The following TRIO variants were observed in gnomAD, a reference collection of about 807,000 sequenced individuals.
The protein encoded by TRIO is triple functional domain protein.
Under a neutral mutation model 351.9 loss-of-function variants are expected in TRIO, and 58 were observed. That is an observed-to-expected ratio of 0.16 (90% CI 0.13 to 0.21). The LOEUF is 0.21. Among genes scored for constraint, TRIO ranks in the 10% least tolerant of loss-of-function variants. The probability of loss-of-function intolerance (pLI) is 1.00; values close to 1 mark genes in which losing one functional copy is unlikely to be tolerated. For synonymous variants in TRIO, 1,758 were observed against 1,595.7 expected, an observed-to-expected ratio of 1.10 and a Z score of -2.42; for missense variants, 3,201 against 4,027.8, an observed-to-expected ratio of 0.79 and a Z score of 5.56.
chr5:14,316,577 A>C lies in TRIO; in HGVS notation c.1565A>C (p.Asp522Ala). The change falls in exon 9 of 57, where the codon GAT becomes GCT. Residue 522 changes from aspartate to alanine, a missense_variant. Physicochemically the swap from Asp to Ala is moderately radical, Grantham distance 126. Around this residue, in one of 19 missense-constraint regions of TRIO, gnomAD observed 349 missense variants for 449.3 expected, o/e 0.78. Coordinates refer to ENST00000344204, the MANE Select transcript of TRIO (RefSeq NM_007118.4). ...LQRPLTPGSS[D>A]SLTASANYSK... ...CGGCCCTTGACTCCCGGCAGCTCCG[A>C]TTCCCTGACAGCCTCTGCCAACTAC... The C allele has an allele frequency of 6.2e-7, 1 of 1,614,186 alleles. No individual in the cohort carries two copies.
intron 48 of TRIO, among the ~76,000 whole-genome samples, chr5:14,490,228 G>A (rs927582905): frequency 3.3e-5 from 5 of 152,242 alleles, no homozygotes; most frequent in Admixed American, 6.5e-5. Context: ...GCAGTGAGCC[G>A]AGATCGTGCC....
At chr5:14,500,183 A>T (rs1203044000) in intron 53 of TRIO, among the ~76,000 whole-genome samples, 1 of 152,146 alleles carries the variant, frequency 6.6e-6, no homozygotes, top group Non-Finnish European at 1.5e-5. Flanking sequence ...TCTTATGTGG[A>T]CTATTCCAAG....
At chr5:14,451,065 C>T (rs1752818768) in intron 34 of TRIO, among the ~76,000 whole-genome samples, 1 of 152,206 alleles carries the variant, frequency 6.6e-6, no homozygotes, top group Admixed American at 6.5e-5. Flanking sequence ...TTTAAAAATA[C>T]TTGTATATTC....
In TRIO at chr5:14,358,236, C is replaced by T. The variant is rs1487014323; in HGVS notation, c.2105C>T (p.Ser702Leu). Residue 702 changes from serine to leucine, a missense_variant, in exon 12 of 57, where the codon TCG becomes TTG. Ser to Leu is a moderately radical substitution (Grantham distance 145). This residue lies in a region of TRIO where 363 missense variants were observed against 553.5 expected (regional missense o/e 0.66). Transcript: ENST00000344204. ...CTGCTGGACGACGTGTATGCCGAGTCGGTGGAGGCCGTGCAGGACCTCATC... is the reference window on the plus strand; with the variant it reads ...CTGCTGGACGACGTGTATGCCGAGTTGGTGGAGGCCGTGCAGGACCTCATC... Reference protein sequence around the residue: ...KELLDDVYAESVEAVQDLIKR... With the variant: ...KELLDDVYAELVEAVQDLIKR... 4.3e-6 allele frequency: 7 copies of T among 1,613,996 alleles called. No homozygotes were observed. Among genetic ancestry groups the T allele is most frequent in the Non-Finnish European group, 5.1e-6 (6 of 1,179,994 alleles).
In TRIO at chr5:14,492,723, G is replaced by T; in HGVS notation, c.7789G>T (p.Asp2597Tyr). The T allele has an allele frequency of 1.2e-6, 2 of 1,614,160 alleles. No individual in the cohort carries two copies. The highest frequency in any genetic ancestry group is 1.3e-5 in the African/African-American group (1 of 75,052). ...NMFLVFRAAT[D>Y]QCPAAEGWIP... ...GTTTCTGGTGTTCCGAGCCGCCACTGACCAGTGCCCCGCAGCTGAGGGCTG... is the reference window on the plus strand; with the variant it reads ...GTTTCTGGTGTTCCGAGCCGCCACTTACCAGTGCCCCGCAGCTGAGGGCTG... The change falls in exon 49 of 57, where the codon GAC becomes TAC. Residue 2597 changes from aspartate (D) to tyrosine (Y), a missense_variant. Coordinates refer to ENST00000344204, the MANE Select transcript of TRIO (RefSeq NM_007118.4).
chr5:14,240,835 C>T (rs1236658373), intron 1 of TRIO, among the ~76,000 whole-genome samples: 1 of 152,134 alleles, frequency 6.6e-6, no homozygotes, highest in Non-Finnish European at 1.5e-5. Flanking sequence ...TGGGTGTTCC[C>T]CCCCACCCCT....
chr5:14,348,171 C>G (rs1742609216), intron 11 of TRIO, among the ~76,000 whole-genome samples: 1 of 152,126 alleles, frequency 6.6e-6, no homozygotes, highest in African/African-American at 2.4e-5. Context: ...AATATCACAT[C>G]AATTTAATGT....
At chr5:14,438,777 G>T (rs1012724138) in intron 34 of TRIO, among the ~76,000 whole-genome samples, 4 of 152,200 alleles carry the variant, frequency 2.6e-5, no homozygotes, top group African/African-American at 7.2e-5. Flanking sequence ...ACTCACCTCC[G>T]CATTTCCGCT....
chr5:14,188,822 T>C (rs868722051), intron 1 of TRIO, among the ~76,000 whole-genome samples: 1 of 152,212 alleles, frequency 6.6e-6, no homozygotes, highest in Non-Finnish European at 1.5e-5. Context: ...TAGTGTAGTT[T>C]CTTGCCTTTT....
intron 26 of TRIO, 73 bp from the exon 27 acceptor site, chr5:14,390,827 CT>C: frequency 7.7e-7 from 1 of 1,299,222 alleles, no homozygotes; most frequent in Non-Finnish European, 1.1e-6. Flanking sequence ...CATACTGCTT[CT>C]TTTCTATATG....
chr5:14,467,842 G>A (rs773573625), intron 37 of TRIO, among the ~76,000 whole-genome samples: 7 of 152,072 alleles, frequency 4.6e-5, no homozygotes. Flanking sequence ...TTGGAACCAT[G>A]CCAGTATGTA....
intron 1 of TRIO, among the ~76,000 whole-genome samples, chr5:14,245,938 C>A (rs924935907): frequency 6.6e-6 from 1 of 152,134 alleles, no homozygotes; most frequent in African/African-American, 2.4e-5. Context: ...GATGTCTATT[C>A]CATTTAGGAC....
Position 14,407,123 on chromosome 5 carries a change from C to G in TRIO, c.4959+451C>G, listed in dbSNP as rs563997170. ...TGTTGCTTACAGGTTCTGGGGATCACACGGCATCCCTGGAGGACAGGGAGC... is the reference window on the plus strand; with the variant it reads ...TGTTGCTTACAGGTTCTGGGGATCAGACGGCATCCCTGGAGGACAGGGAGC... On this transcript the variant is annotated intron_variant, in intron 33 of 56. Coordinates refer to ENST00000344204, the MANE Select transcript of TRIO (RefSeq NM_007118.4). 2.0e-5 allele frequency among the ~76,000 whole-genome samples: 3 copies of G among 152,224 alleles called. No individual in the cohort carries two copies. In the South Asian group the frequency reaches 6.2e-4, roughly 32 times the overall value.
intron 29 of TRIO, among the ~76,000 whole-genome samples, chr5:14,398,048 G>A (rs536232380): frequency 3.1e-4 from 47 of 152,274 alleles, no homozygotes; most frequent in African/African-American, 1.1e-3. Flanking sequence ...AGTAGTACCC[G>A]CTACTTTGCT....
chr5:14,294,049 G>C (rs1050776689), intron 6 of TRIO, among the ~76,000 whole-genome samples: 1 of 152,072 alleles, frequency 6.6e-6, no homozygotes, highest in South Asian at 2.1e-4. Flanking sequence ...AGCCAAGTGT[G>C]GTGGTGCACA....
At chr5:14,356,307 CAA>C (rs1405969572) in intron 11 of TRIO, among the ~76,000 whole-genome samples, 1 of 152,170 alleles carries the variant, frequency 6.6e-6, no homozygotes, top group East Asian at 1.9e-4. Context: ...TTCAGAGAAA[CAA>C]AGTCATCTGG....
chr5:14,252,659 C>T (rs760352789), intron 1 of TRIO, among the ~76,000 whole-genome samples: 2 of 152,200 alleles, frequency 1.3e-5, no homozygotes, highest in South Asian at 2.1e-4. Flanking sequence ...TTTCTAGATC[C>T]GAATTACTCC....
chr5:14,477,118 C>T (rs1755139403), intron 41 of TRIO, 155 bp downstream of exon 41: 1 of 653,612 alleles, frequency 1.5e-6, no homozygotes, highest in Non-Finnish European at 2.5e-6. Flanking sequence ...GAATTAAAAT[C>T]CCTTCTTCAA....
chr5:14,267,217 A>G (rs746061655), intron 1 of TRIO, among the ~76,000 whole-genome samples: 28 of 151,968 alleles, frequency 1.8e-4, no homozygotes, highest in East Asian at 1.9e-4. Context: ...AATTTTACCA[A>G]ATTTCTCTTT....
Sources: gnomAD v4.1 joint callset for allele counts (sites outside exome capture counted in the v4.1 genomes callset) on GRCh38, gnomAD v4.1.1 for gene constraint, gnomAD v4.1.1 regional missense constraint, MANE v1.5 for transcripts, NCBI Gene and HGNC (gene_info 2026-07-23, HGNC 2026-07-21) for gene names.